Variants in TAF1B observed in about 807,000 individuals in gnomAD.
TAF1B encodes TATA box-binding protein-associated factor RNA polymerase I subunit B.
TAF1B carries 61 observed loss-of-function variants against 83.9 expected under a neutral mutation model. That is an observed-to-expected ratio of 0.73 (90% CI 0.59 to 0.90). The LOEUF is 0.90. Among genes scored for constraint, TAF1B ranks in the 40% least tolerant of loss-of-function variants. TAF1B has a pLI of 0.00. For missense variants in TAF1B, 625 were observed against 677.0 expected (o/e 0.92, Z 0.85); for synonymous variants, 221 against 224.6 (o/e 0.98, Z 0.14).
chr2:9,894,959 GA>G (rs1664973574), intron 8 of TAF1B, among the ~76,000 whole-genome samples: 1 of 152,182 alleles, frequency 6.6e-6, no homozygotes, highest in Non-Finnish European at 1.5e-5. Flanking sequence ...ACATATTAAG[GA>G]GGACTCCAAT....
At chr2:9,933,133 G>A (rs547667877) in intron 14 of TAF1B, among the ~76,000 whole-genome samples, 5 of 152,242 alleles carry the variant, frequency 3.3e-5, no homozygotes, top group Admixed American at 1.3e-4. Context: ...GTGATGCCCC[G>A]CCCTGCTTCG....
At chr2:9,876,110 C>G (rs1664315882) in intron 7 of TAF1B, 92 bp downstream of exon 7, 19 of 1,343,818 alleles carry the variant, frequency 1.4e-5, no homozygotes, top group Non-Finnish European at 1.9e-5. Context: ...TATAAGAAGG[C>G]TTAACTTGAG....
intron 8 of TAF1B, among the ~76,000 whole-genome samples, chr2:9,885,623 G>C (rs191410665): frequency 6.6e-6 from 1 of 152,154 alleles, no homozygotes; most frequent in African/African-American, 2.4e-5. Flanking sequence ...TGTCTTCACA[G>C]TTATTCAGTT....
At chr2:9,886,688 A>G (rs1224803512) in intron 8 of TAF1B, among the ~76,000 whole-genome samples, 3 of 152,186 alleles carry the variant, frequency 2.0e-5, no homozygotes, top group Non-Finnish European at 4.4e-5. Flanking sequence ...AGAGAGAGAT[A>G]TAATACACCA....
intron 4 of TAF1B, among the ~76,000 whole-genome samples, chr2:9,852,496 A>ATTTT (rs77080337): frequency 6.7e-6 from 1 of 149,190 alleles, no homozygotes; most frequent in Admixed American, 6.7e-5. Context: ...ATGCTAAGTG[A>ATTTT]TTTTTTTTTT....
intron 8 of TAF1B, among the ~76,000 whole-genome samples, chr2:9,890,446 C>G (rs1163859679): frequency 6.6e-6 from 1 of 151,950 alleles, no homozygotes; most frequent in Non-Finnish European, 1.5e-5. Flanking sequence ...TTCTCAGATG[C>G]CTGAAAGCAT....
intron 14 of TAF1B, among the ~76,000 whole-genome samples, chr2:9,929,142 TTTGTTGTTGTTG>T (rs70948857): frequency 3.3e-5 from 5 of 150,914 alleles, no homozygotes; most frequent in South Asian, 2.1e-4. Context: ...ATTGGTTCTG[TTTGTTGTTGTTG>T]TTGTTGTTGT....
intron 7 of TAF1B, among the ~76,000 whole-genome samples, chr2:9,878,714 T>TG (rs1664399720): frequency 6.6e-6 from 1 of 152,234 alleles, no homozygotes; most frequent in Admixed American, 6.5e-5. Context: ...TCTAGACCCT[T>TG]GCGATGCAGT....
intron 8 of TAF1B, among the ~76,000 whole-genome samples, chr2:9,883,408 A>T (rs1558248660): frequency 6.6e-6 from 1 of 152,108 alleles, no homozygotes; most frequent in African/African-American, 2.4e-5. Flanking sequence ...TTAAGGAATC[A>T]TTTTCATAGA....
Position 9,917,815 on chromosome 2 carries a change from G to A in TAF1B, c.1272-1226G>A, listed in dbSNP as rs540267221. Among the ~76,000 whole-genome samples, 6 of 152,004 alleles carry A rather than the reference G, an allele frequency of 3.9e-5. No individual in the cohort carries two copies. In the East Asian group the frequency reaches 1.2e-3, roughly 30 times the overall value. Reference sequence around the variant, plus strand: ...CGGCCGGGCGCGGTGGCTCACGCCTGTAATCCCAGCACTTTGGGAGGCCGA... The same window carrying A: ...CGGCCGGGCGCGGTGGCTCACGCCTATAATCCCAGCACTTTGGGAGGCCGA... On this transcript the variant is annotated intron_variant, in intron 12 of 14. Transcript: ENST00000263663.
At chr2:9,898,993 T>C (rs577599816) in intron 8 of TAF1B, among the ~76,000 whole-genome samples, 122 of 151,750 alleles carry the variant, frequency 8.0e-4, no homozygotes, top group African/African-American at 2.8e-3. Context: ...TTTTATACTT[T>C]TTTTGGTGGC....
At chr2:9,886,484 C>G (rs921223477) in intron 8 of TAF1B, among the ~76,000 whole-genome samples, 1 of 152,140 alleles carries the variant, frequency 6.6e-6, no homozygotes, top group Non-Finnish European at 1.5e-5. Flanking sequence ...GCTTCCTGTG[C>G]TGAGTTTATA....
chr2:9,911,018 G>C, intron 10 of TAF1B, 105 bp downstream of exon 10: 1 of 1,075,960 alleles, frequency 9.3e-7, no homozygotes, highest in Non-Finnish European at 1.3e-6. Context: ...AAGAGCTAAA[G>C]AAAAAATTTG....
chr2:9,895,009 T>G (rs1373875514), intron 8 of TAF1B, among the ~76,000 whole-genome samples: 1 of 152,190 alleles, frequency 6.6e-6, no homozygotes, highest in African/African-American at 2.4e-5. Flanking sequence ...CAAAACAAAT[T>G]ATTATCTCCT....
At chr2:9,850,531 C>T (rs911324116) in intron 3 of TAF1B, among the ~76,000 whole-genome samples, 1 of 152,146 alleles carries the variant, frequency 6.6e-6, no homozygotes, top group African/African-American at 2.4e-5. Flanking sequence ...GAGACCCTTT[C>T]TGGGAAGGAA....
At chr2:9,853,977 T>G (rs374405534) in intron 4 of TAF1B, among the ~76,000 whole-genome samples, 32 of 152,328 alleles carry the variant, frequency 2.1e-4, no homozygotes, top group African/African-American at 6.5e-4. Flanking sequence ...CTCATGTACC[T>G]GACACTATGA....
chr2:9,902,410 C>T (rs1665210015), intron 8 of TAF1B, among the ~76,000 whole-genome samples: 1 of 152,112 alleles, frequency 6.6e-6, no homozygotes, highest in Admixed American at 6.5e-5. Flanking sequence ...CAGTCATGTC[C>T]TACCCACCCT....
intron 1 of TAF1B, among the ~76,000 whole-genome samples, chr2:9,844,099 A>G (rs1663118707): frequency 6.6e-6 from 1 of 152,156 alleles, no homozygotes; most frequent in Non-Finnish European, 1.5e-5. Flanking sequence ...AGTTGCCAAA[A>G]TTGATTTGGC....
At chr2:9,847,023 A>G (rs751619398) in intron 2 of TAF1B, among the ~76,000 whole-genome samples, 1 of 152,242 alleles carries the variant, frequency 6.6e-6, no homozygotes, top group Admixed American at 6.5e-5. Context: ...AGATGAAGTC[A>G]GCATACTATT....
Sources: allele counts gnomAD v4.1 joint callset (sites outside exome capture counted in the v4.1 genomes callset), GRCh38; gene constraint gnomAD v4.1.1; transcripts MANE v1.5; gene names NCBI Gene and HGNC (gene_info 2026-07-23, HGNC 2026-07-21).